The following CCDC178 variants were observed in gnomAD, a reference collection of about 807,000 sequenced individuals.
The protein encoded by CCDC178 is coiled-coil domain containing 178.
In CCDC178, 126 loss-of-function variants were observed where a neutral mutation model predicts 117.4. That is an observed-to-expected ratio of 1.07 (90% CI 0.93 to 1.24). CCDC178 has a LOEUF of 1.24. Ranked by LOEUF, CCDC178 falls within the 50% of genes most tolerant of loss-of-function variation. The probability of loss-of-function intolerance (pLI) is 0.00; values close to 1 mark genes in which losing one functional copy is unlikely to be tolerated. For synonymous variants in CCDC178, 283 were observed against 313.4 expected, an observed-to-expected ratio of 0.90 and a Z score of 1.02; for missense variants, 1,030 against 986.9, an observed-to-expected ratio of 1.04 and a Z score of -0.59.
At chr18:33,010,561 G>A (rs963575065) in intron 21 of CCDC178, among the ~76,000 whole-genome samples, 1 of 152,114 alleles carries the variant, frequency 6.6e-6, no homozygotes, top group Non-Finnish European at 1.5e-5. Context: ...GCTGCCTTAG[G>A]TGGCAAATTT....
chr18:33,372,097 A>G lies in CCDC178; in HGVS notation c.209-1908T>C, dbSNP rs146432045. On this transcript the variant is annotated intron_variant, in intron 5 of 22. Transcript: ENST00000383096. ...TACTAATAATTTCCATAGCACTCCT[A>G]TGGTTTAGGTTGAATATGTAACATA... Among the ~76,000 whole-genome samples the G allele has an allele frequency of 3.9e-4, 60 of 152,154 alleles. 1 individual carries two copies. In the East Asian group the frequency reaches 0.011, roughly 28 times the overall value.
At chr18:33,129,371 G>A (rs975588632) in intron 20 of CCDC178, among the ~76,000 whole-genome samples, 9 of 151,886 alleles carry the variant, frequency 5.9e-5, no homozygotes, top group African/African-American at 2.2e-4. Flanking sequence ...TGATGTTTTA[G>A]AACCCAAGGG....
chr18:33,177,033 G>A (rs2058671554), intron 20 of CCDC178, among the ~76,000 whole-genome samples: 1 of 152,018 alleles, frequency 6.6e-6, no homozygotes, highest in Admixed American at 6.6e-5. Context: ...CCATCTTATT[G>A]AATGAACTCA....
intron 12 of CCDC178, among the ~76,000 whole-genome samples, chr18:33,274,158 T>C (rs1035834111): frequency 1.3e-5 from 2 of 151,720 alleles, no homozygotes; most frequent in African/African-American, 4.8e-5. Flanking sequence ...TTAGAGACTA[T>C]GGAAATGCAA....
At chr18:33,264,212 T>C (rs900441661) in intron 14 of CCDC178, among the ~76,000 whole-genome samples, 2 of 152,148 alleles carry the variant, frequency 1.3e-5, no homozygotes, top group African/African-American at 4.8e-5. Context: ...CTTGCCAGTT[T>C]ATATGTGCAA....
chr18:33,285,704 G>C (rs112079522), intron 12 of CCDC178, among the ~76,000 whole-genome samples: 1 of 152,166 alleles, frequency 6.6e-6, no homozygotes, highest in African/African-American at 2.4e-5. Flanking sequence ...GGTCAAATGA[G>C]AAACTAAAAT....
intron 14 of CCDC178, among the ~76,000 whole-genome samples, chr18:33,254,658 G>A (rs1217526282): frequency 6.6e-6 from 1 of 151,976 alleles, no homozygotes; most frequent in Non-Finnish European, 1.5e-5. Context: ...GCTAATGTCT[G>A]AGCTATTATA....
chr18:33,138,343 G>C (rs2144284492), intron 20 of CCDC178, among the ~76,000 whole-genome samples: 1 of 152,270 alleles, frequency 6.6e-6, no homozygotes, highest in South Asian at 2.1e-4. Flanking sequence ...TCCACCTCAT[G>C]AGGTACAGGT....
intron 12 of CCDC178, among the ~76,000 whole-genome samples, chr18:33,292,594 T>C (rs1216928658): frequency 6.6e-6 from 1 of 152,068 alleles, no homozygotes; most frequent in Non-Finnish European, 1.5e-5. Flanking sequence ...CGATTTTGAA[T>C]GTTACCAAAA....
intron 21 of CCDC178, among the ~76,000 whole-genome samples, chr18:33,015,026 C>T (rs1430777625): frequency 6.6e-6 from 1 of 152,132 alleles, no homozygotes; most frequent in East Asian, 1.9e-4. Flanking sequence ...GAGGCCGAGG[C>T]GTGCAGATCA....
At chr18:32,999,052 C>T (rs1029806499) in intron 21 of CCDC178, among the ~76,000 whole-genome samples, 2 of 152,044 alleles carry the variant, frequency 1.3e-5, no homozygotes, top group African/African-American at 4.8e-5. Context: ...CAATTCCAGG[C>T]TGTGGCACTT....
At chr18:33,098,890 A>G (rs771916805) in intron 20 of CCDC178, among the ~76,000 whole-genome samples, 1 of 152,026 alleles carries the variant, frequency 6.6e-6, no homozygotes, top group African/African-American at 2.4e-5. Flanking sequence ...AGGAGGCTGA[A>G]GTGTGAAGAA....
At chr18:33,014,786 G>T (rs989280966) in intron 21 of CCDC178, among the ~76,000 whole-genome samples, 2 of 152,136 alleles carry the variant, frequency 1.3e-5, no homozygotes, top group Non-Finnish European at 1.5e-5. Context: ...AGACTTTATA[G>T]AATTGGTCCA....
At chr18:33,132,270 C>T (rs1331626755) in intron 20 of CCDC178, among the ~76,000 whole-genome samples, 5 of 151,642 alleles carry the variant, frequency 3.3e-5, no homozygotes, top group Non-Finnish European at 7.4e-5. Flanking sequence ...CTCTGCATAT[C>T]CTCTTTGAAA....
At chr18:33,416,583 C>G (rs1029578426) in intron 2 of CCDC178, among the ~76,000 whole-genome samples, 1 of 152,124 alleles carries the variant, frequency 6.6e-6, no homozygotes, top group African/African-American at 2.4e-5. Flanking sequence ...TTCATCTTTA[C>G]TGATAGGACT....
At chr18:32,968,139 C>T (rs2054854653) in intron 22 of CCDC178, among the ~76,000 whole-genome samples, 2 of 151,822 alleles carry the variant, frequency 1.3e-5, no homozygotes, top group East Asian at 1.9e-4. Context: ...CTCTCCCCAT[C>T]CTCCTCTTCT....
chr18:33,113,055 T>C (rs968741838), intron 20 of CCDC178, among the ~76,000 whole-genome samples: 2 of 151,986 alleles, frequency 1.3e-5, no homozygotes, highest in Non-Finnish European at 2.9e-5. Flanking sequence ...ATAAGAAAAT[T>C]CTTTAGAAGC....
chr18:33,392,718 C>T (rs1163779227), intron 4 of CCDC178, among the ~76,000 whole-genome samples: 5 of 152,012 alleles, frequency 3.3e-5, no homozygotes, highest in South Asian at 2.1e-4. Flanking sequence ...ATTGGAAAGC[C>T]GGGCATGGTG....
At chr18:32,982,093 C>G (rs1015565383) in intron 21 of CCDC178, among the ~76,000 whole-genome samples, 3 of 152,012 alleles carry the variant, frequency 2.0e-5, no homozygotes, top group Non-Finnish European at 4.4e-5. Context: ...TAAATTGTGT[C>G]TGTGTCTTAC....
Sources: allele counts gnomAD v4.1 joint callset (sites outside exome capture counted in the v4.1 genomes callset), GRCh38; gene constraint gnomAD v4.1.1; transcripts MANE v1.5; gene names NCBI Gene and HGNC (gene_info 2026-07-23, HGNC 2026-07-21).